The following PLCXD3 variants were observed in gnomAD, a reference collection of about 807,000 sequenced individuals.
PLCXD3 encodes phosphatidylinositol specific phospholipase C X domain containing 3.
In PLCXD3, 19 loss-of-function variants were observed where a neutral mutation model predicts 25.5. That is an observed-to-expected ratio of 0.75 (90% CI 0.52 to 1.09). PLCXD3 has a LOEUF of 1.09. Among genes scored for constraint, PLCXD3 ranks in the 50% least tolerant of loss-of-function variants. The pLI is 0.00. For synonymous variants in PLCXD3, 174 were observed against 137.6 expected (o/e 1.26, Z -1.85); for missense variants, 411 against 388.1 (o/e 1.06, Z -0.50).
At chr5:41,508,969 G>A (rs970610352) in intron 1 of PLCXD3, among the ~76,000 whole-genome samples, 1 of 152,160 alleles carries the variant, frequency 6.6e-6, no homozygotes, top group African/African-American at 2.4e-5. Flanking sequence ...TTCCTGGCCG[G>A]TAGCAAGCTA....
chr5:41,429,383 CAG>C (rs1475104845), intron 1 of PLCXD3, among the ~76,000 whole-genome samples: 3 of 151,586 alleles, frequency 2.0e-5, no homozygotes, highest in African/African-American at 7.3e-5. Context: ...TGAGGGGAAT[CAG>C]GGGAGGGAGG....
intron 2 of PLCXD3, among the ~76,000 whole-genome samples, chr5:41,360,661 C>T (rs1489811630): frequency 2.0e-5 from 3 of 152,188 alleles, no homozygotes; most frequent in African/African-American, 7.2e-5. Context: ...AGCTACCAGG[C>T]TCCCAGCTGG....
chr5:41,337,263 T>G (rs1474373308), intron 2 of PLCXD3, among the ~76,000 whole-genome samples: 1 of 152,088 alleles, frequency 6.6e-6, no homozygotes, highest in African/African-American at 2.4e-5. Flanking sequence ...AGTCTTAACC[T>G]CAGCCAGGAT....
At chr5:41,504,591 A>G (rs991788460) in intron 1 of PLCXD3, among the ~76,000 whole-genome samples, 2 of 152,224 alleles carry the variant, frequency 1.3e-5, no homozygotes, top group Non-Finnish European at 2.9e-5. Context: ...AGACATTAAC[A>G]TGCTCAATGT....
At chr5:41,328,861 T>C (rs1165508011) in intron 2 of PLCXD3, among the ~76,000 whole-genome samples, 1 of 152,190 alleles carries the variant, frequency 6.6e-6, no homozygotes, top group Non-Finnish European at 1.5e-5. Context: ...TACTATTGAG[T>C]TCAGTAACCT....
chr5:41,419,676 A>G (rs946318445), intron 1 of PLCXD3, among the ~76,000 whole-genome samples: 3 of 152,208 alleles, frequency 2.0e-5, no homozygotes, highest in Non-Finnish European at 2.9e-5. Context: ...AGAAAATGAC[A>G]TGTATTCTAG....
intron 2 of PLCXD3, among the ~76,000 whole-genome samples, chr5:41,355,898 T>G (rs1174829827): frequency 6.6e-6 from 1 of 152,182 alleles, no homozygotes; most frequent in Non-Finnish European, 1.5e-5. Flanking sequence ...TATATATTTT[T>G]TTCCTTTGGG....
chr5:41,501,008 A>G (rs1412068303), intron 1 of PLCXD3, among the ~76,000 whole-genome samples: 1 of 152,038 alleles, frequency 6.6e-6, no homozygotes, highest in East Asian at 1.9e-4. Context: ...ACGGTAAGAT[A>G]TCACCTAATA....
chr5:41,482,707 G>A (rs1748438915), intron 1 of PLCXD3, among the ~76,000 whole-genome samples: 1 of 152,050 alleles, frequency 6.6e-6, no homozygotes, highest in Non-Finnish European at 1.5e-5. Flanking sequence ...AAAACTACAG[G>A]GCAAAAGGTG....
At chr5:41,370,792 T>C (rs778607472) in intron 2 of PLCXD3, among the ~76,000 whole-genome samples, 1 of 152,146 alleles carries the variant, frequency 6.6e-6, no homozygotes, top group Non-Finnish European at 1.5e-5. Flanking sequence ...ACCAATTTGT[T>C]GAAAATGTGA....
intron 1 of PLCXD3, among the ~76,000 whole-genome samples, chr5:41,430,861 A>G (rs1410337682): frequency 6.6e-6 from 1 of 151,986 alleles, no homozygotes; most frequent in Non-Finnish European, 1.5e-5. Context: ...AAGGAAAAAC[A>G]GGAGAATTTG....
At chr5:41,456,138 T>G (rs565418488) in intron 1 of PLCXD3, among the ~76,000 whole-genome samples, 6 of 151,948 alleles carry the variant, frequency 3.9e-5, no homozygotes, top group Non-Finnish European at 8.8e-5. Flanking sequence ...TTAAATGAGA[T>G]AGTCAGAGTA....
chr5:41,337,811 A>G (rs1490084430), intron 2 of PLCXD3, among the ~76,000 whole-genome samples: 1 of 152,160 alleles, frequency 6.6e-6, no homozygotes, highest in Non-Finnish European at 1.5e-5. Context: ...TCCTCCTGAC[A>G]GTGACCTTAT....
At chr5:41,435,671 T>A (rs1027484234) in intron 1 of PLCXD3, among the ~76,000 whole-genome samples, 1 of 152,194 alleles carries the variant, frequency 6.6e-6, no homozygotes, top group Non-Finnish European at 1.5e-5. Context: ...TGATAGAACT[T>A]CCCAAAACAC....
intron 1 of PLCXD3, chr5:41,475,519 T>C (rs759001839): frequency 3.9e-5 from 19 of 481,560 alleles, no homozygotes; most frequent in African/African-American, 8.1e-5. Flanking sequence ...TATCTCTATT[T>C]GTCTCTATCT....
intron 1 of PLCXD3, among the ~76,000 whole-genome samples, chr5:41,477,241 T>A (rs1004230060): frequency 6.6e-6 from 1 of 152,178 alleles, no homozygotes; most frequent in Non-Finnish European, 1.5e-5. Context: ...TACTTACTAC[T>A]AGTAGTCATT....
intron 1 of PLCXD3, among the ~76,000 whole-genome samples, chr5:41,403,397 TGTTG>T (rs1746247483): frequency 3.3e-5 from 1 of 30,494 alleles, no homozygotes; most frequent in Non-Finnish European, 8.0e-5. Context: ...TTGACTTATT[TGTTG>T]TTTTTTTTTT....
intron 1 of PLCXD3, among the ~76,000 whole-genome samples, chr5:41,450,222 C>G (rs971831928): frequency 6.6e-6 from 1 of 152,042 alleles, no homozygotes; most frequent in African/African-American, 2.4e-5. Context: ...AAGACTGATA[C>G]AAGAAGAGTG....
At chr5:41,353,291 C>G (rs1016252456) in intron 2 of PLCXD3, among the ~76,000 whole-genome samples, 1 of 150,688 alleles carries the variant, frequency 6.6e-6, no homozygotes, top group African/African-American at 2.4e-5. Context: ...TCAGTAGAGA[C>G]AGGGTTTCAC....
Sources: gnomAD v4.1 joint callset for allele counts (sites outside exome capture counted in the v4.1 genomes callset) on GRCh38, gnomAD v4.1.1 for gene constraint, MANE v1.5 for transcripts, NCBI Gene and HGNC (gene_info 2026-07-23, HGNC 2026-07-21) for gene names.